MAP4K1: variants seen among roughly 807,000 people sequenced by gnomAD.
MAP4K1 encodes the protein MAPK/ERK kinase kinase kinase 1.
Under a neutral mutation model 122.8 loss-of-function variants are expected in MAP4K1, and 35 were observed. The observed-to-expected ratio is 0.29, with a 90% CI of 0.22 to 0.38. MAP4K1 has a LOEUF of 0.38. Among genes scored for constraint, MAP4K1 ranks in the 10% least tolerant of loss-of-function variants. The probability of loss-of-function intolerance (pLI) is 1.00; values close to 1 mark genes in which losing one functional copy is unlikely to be tolerated. For missense variants in MAP4K1, 791 were observed against 1,072.6 expected, an observed-to-expected ratio of 0.74 and a Z score of 3.67; for synonymous variants, 412 against 421.3, an observed-to-expected ratio of 0.98 and a Z score of 0.27.
At chr19:38,613,975 T>A in intron 7 of MAP4K1, 23 bp from the exon 8 acceptor site, 1 of 1,613,672 alleles carries the variant, frequency 6.2e-7, no homozygotes, top group Non-Finnish European at 8.5e-7. Context: ...GGAGACATAG[T>A]GATCTGGGGT....
Position 38,617,921 on chromosome 19 carries a change from G to A in MAP4K1, c.-26C>T, listed in dbSNP as rs945821808. 88 of 1,597,386 alleles carry A rather than the reference G, an allele frequency of 5.5e-5. No homozygotes were observed. The East Asian group carries it at 7.4e-4, about 13-fold the overall frequency. ...CCCTGGGGGCCTGAGCTGGGCCTGCGCCCAGGGGCCAGCAGGGCCTCAGGG... is the reference window on the plus strand; with the variant it reads ...CCCTGGGGGCCTGAGCTGGGCCTGCACCCAGGGGCCAGCAGGGCCTCAGGG... On this transcript the variant is annotated 5_prime_UTR_variant, in exon 1 of 31. Coordinates refer to ENST00000396857, the MANE Select transcript of MAP4K1 (RefSeq NM_001042600.3). The surrounding 1 kb of genome is among the most constrained non-coding windows in gnomAD (Gnocchi z 4.1).
Position 38,595,448 on chromosome 19 carries a change from G to A in MAP4K1, c.2340+37C>T, listed in dbSNP as rs777651509. On this transcript the variant is annotated intron_variant, in intron 29 of 30. Coordinates refer to ENST00000396857, the MANE Select transcript of MAP4K1 (RefSeq NM_001042600.3). Reference sequence around the variant, plus strand: ...CTGATGAATGTCATGATGGAGGCTGGGGGGCAGTGATGTGGAGTTTGGATG... The same window carrying A: ...CTGATGAATGTCATGATGGAGGCTGAGGGGCAGTGATGTGGAGTTTGGATG... 1.9e-6 allele frequency: 3 copies of A among 1,606,678 alleles called. No homozygotes were observed. The East Asian group carries it at 6.7e-5, about 36-fold the overall frequency.
chr19:38,602,198 C>A (rs1431986009), intron 19 of MAP4K1, among the ~76,000 whole-genome samples: 1 of 152,122 alleles, frequency 6.6e-6, no homozygotes, highest in African/African-American at 2.4e-5. Flanking sequence ...GCCTCAGCCT[C>A]CTGAATAGCT....
At chr19:38,605,156 C>T (rs1245373887) in intron 19 of MAP4K1, among the ~76,000 whole-genome samples, 1 of 151,666 alleles carries the variant, frequency 6.6e-6, no homozygotes. Flanking sequence ...ATTTATATGA[C>T]CTTGGGTAAG....
chr19:38,605,295 G>A (rs965182759), intron 19 of MAP4K1, 114 bp downstream of exon 19: 1 of 774,806 alleles, frequency 1.3e-6, no homozygotes, highest in East Asian at 2.7e-5. Context: ...GCACAGAGAA[G>A]CGCTCAACAA....
At chr19:38,601,044 G>C (rs1425835964) in intron 20 of MAP4K1, among the ~76,000 whole-genome samples, 1 of 151,926 alleles carries the variant, frequency 6.6e-6, no homozygotes. Context: ...GACCTCAAAT[G>C]ATCCGCCCGC....
Position 38,617,712 on chromosome 19 carries a change from C to A in MAP4K1, c.99+85G>T, listed in dbSNP as rs1039988454. On this transcript the variant is annotated intron_variant, in intron 1 of 30. Transcript: ENST00000396857. The surrounding 1 kb of genome is among the most constrained non-coding windows in gnomAD (Gnocchi z 4.1). ...CCTGAGTCAAGGTCAAGAACTGGGA[C>A]CCCCTCTTGCAGCCTCCTCCCTGCC... The A allele has an allele frequency of 1.2e-6, 2 of 1,600,600 alleles. No homozygotes were observed. The highest frequency in any genetic ancestry group is 2.2e-5 in the South Asian group (2 of 90,838).
chr19:38,596,911 G>A, intron 25 of MAP4K1, 123 bp downstream of exon 25: 5 of 900,832 alleles, frequency 5.6e-6, no homozygotes, highest in Non-Finnish European at 8.6e-6. Flanking sequence ...GCGGGGCCTC[G>A]GGAGATTGGG....
rs1252897874 is a variant in MAP4K1, at chr19:38,617,857, G to T, written c.39C>A (p.Pro13=). The change falls in exon 1 of 31, where the codon CCC becomes CCA. Residue 13 remains proline, a synonymous_variant. Transcript: ENST00000396857. The surrounding 1 kb of genome is among the most constrained non-coding windows in gnomAD (Gnocchi z 4.1). The part of the protein sequence containing the change: ...VVDPDIFNRD[P]RDHYDLLQRL... ...GCTGTAGCAGGTCATAGTGGTCCCG[G>T]GGGTCTCTATTGAAAATGTCAGGGT... is the stretch of plus-strand genomic sequence containing the variant. 6.2e-7 allele frequency: 1 copy of T among 1,614,136 alleles called. No homozygotes were observed. The highest frequency in any genetic ancestry group is 1.7e-5 in the Admixed American group (1 of 60,014).
chr19:38,595,452 G>C (rs1040206630), intron 29 of MAP4K1, 33 bp downstream of exon 29: 8 of 1,608,096 alleles, frequency 5.0e-6, no homozygotes, highest in East Asian at 2.2e-5. Context: ...AGGCTGGGGG[G>C]CAGTGATGTG....
At chr19:38,588,959 C>T (rs1399482967) in intron 30 of MAP4K1, among the ~76,000 whole-genome samples, 2 of 151,212 alleles carry the variant, frequency 1.3e-5, no homozygotes, top group African/African-American at 4.9e-5. Flanking sequence ...AGACTATAAC[C>T]CACAGAATAA....
At chr19:38,595,829 G>T (rs1034796065) in intron 27 of MAP4K1, 100 bp from the exon 28 acceptor site, 1 of 1,494,532 alleles carries the variant, frequency 6.7e-7, no homozygotes, top group African/African-American at 1.4e-5. Context: ...TAGGACAGGG[G>T]CAAGGCCCAG....
At chr19:38,615,573 G>A (rs1975624602) in intron 4 of MAP4K1, among the ~76,000 whole-genome samples, 1 of 152,092 alleles carries the variant, frequency 6.6e-6, no homozygotes, top group South Asian at 2.1e-4. Context: ...CAGGCAGAGA[G>A]ACAGAGAGAC....
chr19:38,596,275 A>C (rs1229545708), intron 26 of MAP4K1, 37 bp downstream of exon 26: 1 of 1,509,042 alleles, frequency 6.6e-7, no homozygotes, highest in African/African-American at 1.4e-5. Context: ...TCCGGATCTG[A>C]TAAGCCCCGC....
intron 29 of MAP4K1, among the ~76,000 whole-genome samples, chr19:38,594,881 C>T (rs1364442931): frequency 6.6e-6 from 1 of 152,088 alleles, no homozygotes. Context: ...GCAGAGGCTG[C>T]AGTGAGCCGA....
rs1258670080 is a variant in MAP4K1 at position 38,597,988 on chromosome 19, T to G, written c.1670-394A>C. On this transcript the variant is annotated intron_variant, in intron 22 of 30. Coordinates refer to ENST00000396857, the MANE Select transcript of MAP4K1 (RefSeq NM_001042600.3). The surrounding 1 kb of genome is among the most constrained non-coding windows in gnomAD (Gnocchi z 4.6). Reference sequence around the variant, plus strand: ...CTTTCACTAACTCATGAATCCCATTTGGCTTGGTGTTTCCCCCAAAACTAG... The same window carrying G: ...CTTTCACTAACTCATGAATCCCATTGGGCTTGGTGTTTCCCCCAAAACTAG... 6.6e-6 allele frequency among the ~76,000 whole-genome samples: 1 copy of G among 152,168 alleles called. No individual in the cohort carries two copies. The highest frequency in any genetic ancestry group is 1.5e-5 in the Non-Finnish European group (1 of 68,044).
intron 22 of MAP4K1, among the ~76,000 whole-genome samples, chr19:38,599,372 TA>T (rs1291595152): frequency 8.4e-6 from 1 of 118,576 alleles, no homozygotes; most frequent in Non-Finnish European, 1.7e-5. Flanking sequence ...AAAAAAAGGC[TA>T]ATCTAAGGCC....
At chr19:38,613,464 G>A (rs1975560105) in intron 8 of MAP4K1, among the ~76,000 whole-genome samples, 1 of 151,934 alleles carries the variant, frequency 6.6e-6, no homozygotes, top group Non-Finnish European at 1.5e-5. Flanking sequence ...GTTCTAGGCT[G>A]CAGTGAGCCG....
chr19:38,595,854 T>C, intron 27 of MAP4K1, 85 bp downstream of exon 27: 1 of 1,537,934 alleles, frequency 6.5e-7, no homozygotes. Context: ...GCTCAGGGGG[T>C]TCTGAGAAGC....
Sources: gnomAD v4.1 joint callset for allele counts (sites outside exome capture counted in the v4.1 genomes callset) on GRCh38, gnomAD v4.1.1 for gene constraint, Gnocchi (gnomAD v3.1) non-coding constraint, MANE v1.5 for transcripts, NCBI Gene and HGNC (gene_info 2026-07-23, HGNC 2026-07-21) for gene names.